Variants in SYNE1 observed in about 807,000 individuals in gnomAD.
The protein encoded by SYNE1 is nesprin-1.
In SYNE1, 616 loss-of-function variants were observed where a neutral mutation model predicts 1,111.0. The ratio of observed to expected loss-of-function variants is 0.55; its 90% confidence interval spans 0.52 to 0.59. SYNE1 has a LOEUF of 0.59. Among genes scored for constraint, SYNE1 ranks in the 20% least tolerant of loss-of-function variants. The probability of loss-of-function intolerance (pLI) is 0.00; values close to 1 mark genes in which losing one functional copy is unlikely to be tolerated. For missense variants in SYNE1, 10,006 were observed against 10,417.0 expected, an observed-to-expected ratio of 0.96 and a Z score of 1.72; for synonymous variants, 3,855 against 3,825.8, an observed-to-expected ratio of 1.01 and a Z score of -0.28.
chr6:152,308,022 G>A (rs891417001), intron 91 of SYNE1, among the ~76,000 whole-genome samples: 3 of 152,048 alleles, frequency 2.0e-5, no homozygotes, highest in East Asian at 1.9e-4. Context: ...TAGTAGAGAC[G>A]GGGTTTCACC....
Position 152,228,501 on chromosome 6 carries a change from G to A in SYNE1, c.21195+2046C>T, listed in dbSNP as rs9478305. Among the ~76,000 whole-genome samples, 10 of 151,702 alleles carry A rather than the reference G, an allele frequency of 6.6e-5. 1 individual carries two copies. Among genetic ancestry groups the A allele is most frequent in the Admixed American group, 6.6e-4 (10 of 15,254 alleles). On this transcript the variant is annotated intron_variant, in intron 115 of 145. Coordinates refer to ENST00000367255, the MANE Select transcript of SYNE1 (RefSeq NM_182961.4). ...AGAAGAAACAAAATGGAAAATGGCA[G>A]AAAAAGCTATGTTAAAGAGAAGAAA...
At chr6:152,324,554 G>A (rs540443073) in intron 81 of SYNE1, among the ~76,000 whole-genome samples, 16 of 152,302 alleles carry the variant, frequency 1.1e-4, no homozygotes, top group South Asian at 2.1e-4. Flanking sequence ...AGCACTTGGC[G>A]GGGGCTGAGG....
At chr6:152,302,112 A>G in intron 91 of SYNE1, 49 bp from the exon 92 acceptor site, 1 of 1,611,980 alleles carries the variant, frequency 6.2e-7, no homozygotes, top group Non-Finnish European at 8.5e-7. Flanking sequence ...ATCAAAAGGA[A>G]ACAGAAGTAG....
At chr6:152,450,887 T>C in intron 26 of SYNE1, 54 bp from the exon 27 acceptor site, 4 of 1,601,826 alleles carry the variant, frequency 2.5e-6, no homozygotes, top group East Asian at 2.2e-5. Context: ...ACAGTACTTC[T>C]ACATTTTCAC....
intron 123 of SYNE1, among the ~76,000 whole-genome samples, chr6:152,212,721 G>A (rs192476548): frequency 6.6e-6 from 1 of 152,202 alleles, no homozygotes. Context: ...GTTTTCCAAA[G>A]CAGCTTCACC....
intron 144 of SYNE1, 82 bp from the exon 145 acceptor site, chr6:152,130,860 T>A: frequency 7.1e-7 from 1 of 1,409,572 alleles, no homozygotes; most frequent in Non-Finnish European, 1.0e-6. Context: ...AAAATTAAAC[T>A]AAAAGTGCAG....
intron 11 of SYNE1, among the ~76,000 whole-genome samples, chr6:152,490,174 T>C (rs1461763182): frequency 2.0e-5 from 3 of 152,238 alleles, no homozygotes; most frequent in Admixed American, 6.5e-5. Flanking sequence ...TTGTGTTAGG[T>C]ATTATACATA....
chr6:152,444,290 C>G, intron 30 of SYNE1, 121 bp downstream of exon 30: 1 of 1,124,324 alleles, frequency 8.9e-7, no homozygotes. Context: ...CCATTCAACT[C>G]TTCCTTCCCA....
chr6:152,309,949 G>A lies in SYNE1; in HGVS notation c.17088C>T (p.Leu5696=), dbSNP rs1350027400. 1.2e-6 allele frequency: 2 copies of A among 1,614,024 alleles called. No individual in the cohort carries two copies. Among genetic ancestry groups the A allele is most frequent in the Non-Finnish European group, 1.7e-6 (2 of 1,180,042 alleles). ...VQAVQLCQSA[L]RIPEDVVASL... ...TGGCAACCACATCCTCGGGGATCCG[G>A]AGGGCACTCTGGCAGAGCTGCACTG... The change falls in exon 90 of 146, where the codon CTC becomes CTT. Residue 5696 remains leucine, a synonymous_variant. Transcript: ENST00000367255.
chr6:152,391,216 T>G, intron 52 of SYNE1, 61 bp downstream of exon 52: 1 of 1,608,248 alleles, frequency 6.2e-7, no homozygotes, highest in Non-Finnish European at 8.5e-7. Context: ...ACACAAGCAC[T>G]TGTGAATCTA....
chr6:152,400,204 A>G (rs1280248307), intron 47 of SYNE1, among the ~76,000 whole-genome samples: 1 of 151,868 alleles, frequency 6.6e-6, no homozygotes, highest in Non-Finnish European at 1.5e-5. Flanking sequence ...GCTCACCAAA[A>G]GCACCAGTAG....
At chr6:152,636,287 T>C (rs918938830) in intron 2 of SYNE1, among the ~76,000 whole-genome samples, 3 of 152,094 alleles carry the variant, frequency 2.0e-5, no homozygotes, top group Admixed American at 1.3e-4. Flanking sequence ...CATCTGATAG[T>C]AGCAACAGTA....
rs76599860 is a variant in SYNE1 at position 152,131,783 on chromosome 6, A to C, written c.26094+339T>G. On this transcript the variant is annotated intron_variant, in intron 144 of 145. Coordinates refer to ENST00000367255, the MANE Select transcript of SYNE1 (RefSeq NM_182961.4). ...CCCCGCAAGTGGAGGCCTACCTTTT[A>C]AGATAGTCGTGGCAGCCATGGCTTG... 5.3e-3 allele frequency among the ~76,000 whole-genome samples: 808 copies of C among 152,244 alleles called. 15 individuals are homozygous for C. The highest frequency in any genetic ancestry group is 0.019 in the African/African-American group (786 of 41,534).
intron 112 of SYNE1, among the ~76,000 whole-genome samples, 172 bp from the exon 113 acceptor site, chr6:152,232,437 A>C (rs1174064590): frequency 6.6e-6 from 1 of 152,226 alleles, no homozygotes; most frequent in African/African-American, 2.4e-5. Context: ...CATCAGGCAA[A>C]TGTTGAGGAA....
intron 100 of SYNE1, 130 bp downstream of exon 100, chr6:152,267,926 C>A (rs1356606829): frequency 3.7e-6 from 3 of 803,748 alleles, no homozygotes; most frequent in Admixed American, 2.0e-5. Flanking sequence ...CATTTACTAC[C>A]CTAAAGTAAA....
chr6:152,333,889 T>C, intron 77 of SYNE1, 119 bp downstream of exon 77: 1 of 1,389,538 alleles, frequency 7.2e-7, no homozygotes, highest in Non-Finnish European at 1.0e-6. Context: ...CGCCTCAGCC[T>C]CCTAAAGTGC....
At chr6:152,286,941 C>T (rs1235296319) in intron 95 of SYNE1, among the ~76,000 whole-genome samples, 1 of 152,200 alleles carries the variant, frequency 6.6e-6, no homozygotes, top group East Asian at 1.9e-4. Context: ...ACGTTATCTT[C>T]TGTAAGAATG....
Position 152,373,113 on chromosome 6 carries a change from T to C in SYNE1, c.9431A>G (p.Gln3144Arg). ...TTCTTTTGCAGCTGTAACTTTGGCC[T>C]GGATCCCTTTCGCTTTCTCTTTGGT... ...LLTKEKAKGI[Q>R]AKVTAAKEDW... The change falls in exon 59 of 146, where the codon CAG (glutamine) becomes CGG (arginine). Residue 3144 changes from glutamine to arginine, a missense_variant. By Grantham distance (43) the Gln-to-Arg change is conservative. Transcript: ENST00000367255. The C allele has an allele frequency of 1.2e-6, 2 of 1,614,186 alleles. No individual in the cohort carries two copies. The highest frequency in any genetic ancestry group is 1.7e-6 in the Non-Finnish European group (2 of 1,180,036).
chr6:152,330,590 T>G lies in SYNE1; in HGVS notation c.14095A>C (p.Lys4699Gln). 2 of 1,613,776 alleles carry G rather than the reference T, an allele frequency of 1.2e-6. No homozygotes were observed. The highest frequency in any genetic ancestry group is 1.7e-6 in the Non-Finnish European group (2 of 1,180,030). The change falls in exon 78 of 146, where the codon AAA (lysine) becomes CAA (glutamine). Residue 4699 changes from lysine (K) to glutamine (Q), a missense_variant. By Grantham distance (53) the Lys-to-Gln change is moderately conservative. Transcript: ENST00000367255. Reference protein sequence around the residue: ...ELEAQFLRMSKVPTDLAVEEA... With the variant: ...ELEAQFLRMSQVPTDLAVEEA... ...TCAACGGCCAGGTCGGTGGGAACTTTGCTCATCCTCAAGAATTGGGCTTCA... is the reference window on the plus strand; with the variant it reads ...TCAACGGCCAGGTCGGTGGGAACTTGGCTCATCCTCAAGAATTGGGCTTCA...
Sources: gnomAD v4.1 joint callset for allele counts (sites outside exome capture counted in the v4.1 genomes callset) on GRCh38, gnomAD v4.1.1 for gene constraint, MANE v1.5 for transcripts, NCBI Gene and HGNC (gene_info 2026-07-23, HGNC 2026-07-21) for gene names.